The following TSPAN3 variants were observed in gnomAD, a reference collection of about 807,000 sequenced individuals.
TSPAN3 encodes the protein tetraspanin-3.
Under a neutral mutation model 31.1 loss-of-function variants are expected in TSPAN3, and 9 were observed. The ratio of observed to expected loss-of-function variants is 0.29; its 90% CI spans 0.17 to 0.50. The LOEUF (loss-of-function observed/expected upper bound fraction) is 0.50, where lower values mean the gene tolerates loss of function less well. TSPAN3 is among the 20% of genes least tolerant of loss of function. The probability of loss-of-function intolerance (pLI) is 0.98; values close to 1 mark genes in which losing one functional copy is unlikely to be tolerated. For missense variants in TSPAN3, 252 were observed against 313.5 expected, an observed-to-expected ratio of 0.80 and a Z score of 1.48; for synonymous variants, 129 against 114.3, an observed-to-expected ratio of 1.13 and a Z score of -0.82.
chr15:77,048,288 T>C (rs554020983), intron 6 of TSPAN3, among the ~76,000 whole-genome samples: 44 of 152,294 alleles, frequency 2.9e-4, no homozygotes, highest in Non-Finnish European at 5.7e-4. Context: ...GCAATTATGT[T>C]CTCAGGCAAT....
intron 6 of TSPAN3, among the ~76,000 whole-genome samples, chr15:77,048,930 AAC>A (rs2076710597): frequency 6.6e-6 from 1 of 152,196 alleles, no homozygotes; most frequent in Admixed American, 6.5e-5. Context: ...GCACATTAGA[AAC>A]ACTCTTTTCT....
chr15:77,061,684 C>T (rs1036267550), intron 1 of TSPAN3, among the ~76,000 whole-genome samples: 1 of 152,110 alleles, frequency 6.6e-6, no homozygotes, highest in Admixed American at 6.5e-5. Context: ...AAAAGTATAC[C>T]TACATGGAGA....
rs1203285840 is a variant in TSPAN3, at chr15:77,043,205, G to A, written c.*3630C>T. Reference sequence around the variant, plus strand: ...TCCCAGGCAACCACAGCCACCCCTCGGAGGTCTCTCCACCTTGGGGAACCT... The same window carrying A: ...TCCCAGGCAACCACAGCCACCCCTCAGAGGTCTCTCCACCTTGGGGAACCT... On this transcript the variant is annotated 3_prime_UTR_variant, in exon 7 of 7. Transcript: ENST00000267970. 2 of 152,182 alleles carry A rather than the reference G, an allele frequency of 1.3e-5. No individual in the cohort carries two copies. The highest frequency in any genetic ancestry group is 4.8e-5 in the African/African-American group (2 of 41,376). The allele number at this position is 152,182 out of a possible 1,614,324, so 9.4% of individuals were successfully genotyped here. A position where few individuals can be genotyped will look rare whatever the true frequency, so the allele number is the denominator to read the frequency against.
chr15:77,048,990 A>G (rs956913424), intron 6 of TSPAN3, among the ~76,000 whole-genome samples: 1 of 152,218 alleles, frequency 6.6e-6, no homozygotes, highest in Non-Finnish European at 1.5e-5. Flanking sequence ...ACATTCTGAT[A>G]CTGTAATTTC....
intron 4 of TSPAN3, 64 bp from the exon 5 acceptor site, chr15:77,052,993 A>G: frequency 6.8e-7 from 1 of 1,477,592 alleles, no homozygotes; most frequent in South Asian, 1.2e-5. Flanking sequence ...TCCATGTACT[A>G]CAGAGCTTTA....
In TSPAN3 at chr15:77,056,052, A is replaced by G. The variant is rs114063611; in HGVS notation, c.255+12T>C. ...ACTAAATACTCCTGCATGTTCTCAC[A>G]ACACATCTTACCGTGGCAAGTCCAC... On this transcript the variant is annotated intron_variant, in intron 2 of 6. Coordinates refer to ENST00000267970, the MANE Select transcript of TSPAN3 (RefSeq NM_005724.6). 1,033 of 1,596,456 alleles carry G rather than the reference A, an allele frequency of 6.5e-4. 5 individuals are homozygous for G. The African/African-American group carries it at 0.011, about 17-fold the overall frequency.
At chr15:77,055,619 G>A in intron 3 of TSPAN3, 170 bp downstream of exon 3, 2 of 579,160 alleles carry the variant, frequency 3.5e-6, no homozygotes, top group Middle Eastern at 4.4e-4. Context: ...AATGAGGTAA[G>A]GAGTCTTGAC....
At position 77,056,057 on chromosome 15, in the gene TSPAN3, A is replaced by T; in HGVS notation, c.255+7T>A. 6.3e-7 allele frequency: 1 copy of T among 1,599,926 alleles called. No individual in the cohort carries two copies. The highest frequency in any genetic ancestry group is 8.5e-7 in the Non-Finnish European group (1 of 1,174,080). On this transcript the variant is annotated splice_region_variant and intron_variant, in intron 2 of 6. Coordinates refer to ENST00000267970, the MANE Select transcript of TSPAN3 (RefSeq NM_005724.6). ...ATACTCCTGCATGTTCTCACAACAC[A>T]TCTTACCGTGGCAAGTCCACAGCGA...
chr15:77,047,467 T>C (rs1037002091), intron 6 of TSPAN3, among the ~76,000 whole-genome samples: 3 of 152,196 alleles, frequency 2.0e-5, no homozygotes, highest in Non-Finnish European at 2.9e-5. Flanking sequence ...AAATTCAGTA[T>C]GTGAATAGCC....
intron 1 of TSPAN3, among the ~76,000 whole-genome samples, chr15:77,066,571 CAAAAAAAAAAAAA>C (rs35737479): frequency 2.4e-4 from 14 of 59,358 alleles, no homozygotes; most frequent in African/African-American, 6.0e-4. Flanking sequence ...GACTTCGTCT[CAAAAAAAAAAAAA>C]AAAAAAAAAA....
In TSPAN3 at chr15:77,046,902, A is replaced by G. The variant is rs1347629416; in HGVS notation, c.695T>C (p.Ile232Thr). 6.3e-6 allele frequency: 10 copies of G among 1,587,056 alleles called. No homozygotes were observed. In the African/African-American group the frequency reaches 9.4e-5, roughly 15 times the overall value. The change falls in exon 7 of 7, where the codon ATC becomes ACC. Residue 232 changes from isoleucine (I) to threonine (T), a missense_variant. By Grantham distance (89) the Ile-to-Thr change is moderately conservative. Transcript: ENST00000267970. The part of the protein sequence containing the change: ...IQLLGMLCAC[I>T]VLCRRSRDPA... ...ATCTCTACTCCTTCTGCACAACACG[A>G]TGCAAGCACACAGCATGCCCAGCAG... is the stretch of plus-strand genomic sequence containing the variant.
In TSPAN3 at chr15:77,046,678, G is replaced by A; in HGVS notation, c.*157C>T. On this transcript the variant is annotated 3_prime_UTR_variant, in exon 7 of 7. Coordinates refer to ENST00000267970, the MANE Select transcript of TSPAN3 (RefSeq NM_005724.6). ...AGGAAAAAGAAAGTCGCAGGTAGTA[G>A]GTAAGTAGGTGGGCACATGAAAAGC... is the stretch of plus-strand genomic sequence containing the variant. The A allele has an allele frequency of 3.5e-6, 2 of 577,082 alleles. No individual in the cohort carries two copies. The highest frequency in any genetic ancestry group is 6.1e-6 in the Non-Finnish European group (2 of 325,854). The allele number at this position is 577,082 out of a possible 1,614,324, so 35.7% of individuals were successfully genotyped here.
At chr15:77,047,028 C>G in intron 6 of TSPAN3, 101 bp from the exon 7 acceptor site, 1 of 857,504 alleles carries the variant, frequency 1.2e-6, no homozygotes, top group Non-Finnish European at 1.8e-6. Context: ...AGTTCAATGA[C>G]TTCAAATCAT....
At chr15:77,067,919 C>G (rs541431956) in intron 1 of TSPAN3, 1 of 152,266 alleles carries the variant, frequency 6.6e-6, no homozygotes, top group Non-Finnish European at 1.5e-5. Context: ...TATGGGACAA[C>G]CTGGGTTTGA....
intron 1 of TSPAN3, among the ~76,000 whole-genome samples, chr15:77,065,384 T>G (rs2076825980): frequency 6.6e-6 from 1 of 152,222 alleles, no homozygotes; most frequent in Non-Finnish European, 1.5e-5. Context: ...AAAGCAAATT[T>G]TCCTTAATTA....
intron 1 of TSPAN3, among the ~76,000 whole-genome samples, chr15:77,066,703 A>T (rs1430178477): frequency 1.3e-5 from 2 of 151,906 alleles, no homozygotes; most frequent in African/African-American, 4.8e-5. Context: ...TCATCATTCC[A>T]TAAAAACAGA....
intron 1 of TSPAN3, among the ~76,000 whole-genome samples, chr15:77,060,701 G>C (rs1315712569): frequency 6.6e-6 from 1 of 152,130 alleles, no homozygotes; most frequent in Non-Finnish European, 1.5e-5. Flanking sequence ...CTGCAAAGGA[G>C]GGGGCTGGGG....
chr15:77,054,372 C>T, intron 3 of TSPAN3, 93 bp from the exon 4 acceptor site: 1 of 883,646 alleles, frequency 1.1e-6, no homozygotes. Flanking sequence ...GAAATGTTTG[C>T]AAGTTGCCAG....
chr15:77,070,776 G>GCCCGCGCGCGGCC (rs907742880), intron 1 of TSPAN3, 116 bp downstream of exon 1: 2 of 433,898 alleles, frequency 4.6e-6, no homozygotes, highest in Non-Finnish European at 3.1e-6. Context: ...CCGCCTGAGG[G>GCCCGCGCGCGGCC]CCCGCGCGCG....
Sources: gnomAD v4.1 joint callset for allele counts (sites outside exome capture counted in the v4.1 genomes callset) on GRCh38, gnomAD v4.1.1 for gene constraint, MANE v1.5 for transcripts, NCBI Gene and HGNC (gene_info 2026-07-23, HGNC 2026-07-21) for gene names.